Variants in WDR4 observed in about 807,000 individuals in gnomAD.
The protein encoded by WDR4 is WDR4 tRNA N7-guanosine methyltransferase non-catalytic subunit.
In WDR4, 47 loss-of-function variants were observed where a neutral mutation model predicts 48.6. The ratio of observed to expected loss-of-function variants is 0.97; its 90% CI spans 0.77 to 1.23. The LOEUF is 1.23. Among genes scored for constraint, WDR4 ranks in the 50% most tolerant of loss-of-function variants. The probability of loss-of-function intolerance (pLI) is 0.00; values close to 1 mark genes in which losing one functional copy is unlikely to be tolerated. For synonymous variants in WDR4, 268 were observed against 230.0 expected (o/e 1.17, Z -1.49); for missense variants, 606 against 551.6 (o/e 1.10, Z -0.99).
the WDR4 span, among the ~76,000 whole-genome samples, chr21:42,885,845 A>G: frequency 2.6e-5 from 4 of 151,908 alleles, no homozygotes; most frequent in African/African-American, 7.3e-5. Flanking sequence ...ACAGGTGTAC[A>G]TGACCATGAC....
intron 2 of WDR4, among the ~76,000 whole-genome samples, chr21:42,874,263 CCA>C (rs771846361): frequency 6.6e-5 from 10 of 152,192 alleles, no homozygotes; most frequent in Non-Finnish European, 1.5e-4. Context: ...TATCACTTCC[CCA>C]GTCAATACCC....
upstream of WDR4, chr21:42,879,622 G>T (rs2058588339): frequency 8.3e-7 from 1 of 1,205,466 alleles, no homozygotes; most frequent in Non-Finnish European, 1.2e-6. Context: ...CATGCTCAAG[G>T]ACGAGCCTGC....
rs752788808 is a variant in WDR4 at position 42,850,081 on chromosome 21, T to C, written c.1207A>G (p.Met403Val). Residue 403 changes from methionine (M) to valine (V), a missense_variant, in exon 11 of 11, where the codon ATG (methionine) becomes GTG (valine). By Grantham distance (21) the Met-to-Val change is conservative (BLOSUM62 1). Coordinates refer to ENST00000398208, the MANE Select transcript of WDR4 (RefSeq NM_018669.6). ...CTTAGCGTCGCCTCCCCCGGTCTCA[T>C]CTTCTTGGCATGCCCGTCGGGCCCA... ...PPGPDGHAKK[M>V]RPGEATLSC The C allele has an allele frequency of 6.2e-7, 1 of 1,614,108 alleles. No homozygotes were observed. The highest frequency in any genetic ancestry group is 2.2e-5 in the East Asian group (1 of 44,892).
intron 7 of WDR4, among the ~76,000 whole-genome samples, chr21:42,855,067 T>C (rs1569317109): frequency 1.3e-5 from 2 of 151,630 alleles, no homozygotes; most frequent in Non-Finnish European, 2.9e-5. Flanking sequence ...GAGGCGGAGG[T>C]TGCTGTGAGT....
chr21:42,856,480 C>T (rs1237138090), intron 6 of WDR4, among the ~76,000 whole-genome samples: 1 of 152,122 alleles, frequency 6.6e-6, no homozygotes, highest in Non-Finnish European at 1.5e-5. Flanking sequence ...TCCTGGCTCA[C>T]TGCAGCCTCT....
the WDR4 span, among the ~76,000 whole-genome samples, chr21:42,885,574 A>C: frequency 6.6e-6 from 1 of 150,590 alleles, no homozygotes; most frequent in Non-Finnish European, 1.5e-5. Flanking sequence ...GCACCATTGC[A>C]CTCCAGCCTG....
downstream of WDR4, among the ~76,000 whole-genome samples, chr21:42,848,629 C>CGG (rs753575888): frequency 1.1e-3 from 73 of 66,758 alleles, 6 homozygotes; most frequent in East Asian, 1.6e-3. Flanking sequence ...CACGATCACA[C>CGG]CGCGCACCTC....
chr21:42,869,707 A>G (rs2058326315), intron 3 of WDR4, among the ~76,000 whole-genome samples: 1 of 152,186 alleles, frequency 6.6e-6, no homozygotes, highest in South Asian at 2.1e-4. Context: ...ATTCTTAAGT[A>G]TATAAAGAGT....
intron 3 of WDR4, among the ~76,000 whole-genome samples, chr21:42,866,331 A>G (rs1315211312): frequency 1.3e-5 from 2 of 152,114 alleles, no homozygotes; most frequent in Non-Finnish European, 2.9e-5. Context: ...ACCCTTCAAC[A>G]GGAAGCTTCC....
intron 2 of WDR4, among the ~76,000 whole-genome samples, chr21:42,874,817 T>A (rs966858347): frequency 6.6e-6 from 1 of 152,162 alleles, no homozygotes; most frequent in African/African-American, 2.4e-5. Flanking sequence ...TTAGCAATTT[T>A]AATTTTGCCC....
At chr21:42,865,410 G>C (rs1283157523) in intron 3 of WDR4, among the ~76,000 whole-genome samples, 1 of 152,112 alleles carries the variant, frequency 6.6e-6, no homozygotes, top group Non-Finnish European at 1.5e-5. Flanking sequence ...GCCACAGGGA[G>C]GGGGGATGGA....
In WDR4 at chr21:42,873,603, T is replaced by C. The variant is rs2146096425; in HGVS notation, c.244A>G (p.Ser82Gly). The C allele has an allele frequency of 1.2e-6, 2 of 1,614,180 alleles. No individual in the cohort carries two copies. Among genetic ancestry groups the C allele is most frequent in the Non-Finnish European group, 1.7e-6 (2 of 1,180,024 alleles). The change falls in exon 3 of 11, where the codon AGT becomes GGT. Residue 82 changes from serine (S) to glycine (G), a missense_variant. Physicochemically the swap from Ser to Gly is moderately conservative, Grantham distance 56. Coordinates refer to ENST00000398208, the MANE Select transcript of WDR4 (RefSeq NM_018669.6). ...SGSYFALTDD[S>G]KRLILFRTKP... The stretch of plus-strand genomic sequence containing the variant: ...GTACGGAAAAGAATCAGACGCTTAC[T>C]GTCATCGGTTAAAGCAAAATAGCTG...
At chr21:42,879,317 C>G in intron 1 of WDR4, 90 bp downstream of exon 1, 3 of 1,548,290 alleles carry the variant, frequency 1.9e-6, no homozygotes, top group Non-Finnish European at 2.6e-6. Flanking sequence ...AGAGTGGGTG[C>G]GACCAGGCGG....
At chr21:42,876,370 C>T (rs1030998749) in intron 2 of WDR4, among the ~76,000 whole-genome samples, 4 of 151,928 alleles carry the variant, frequency 2.6e-5, no homozygotes, top group Admixed American at 6.6e-5. Flanking sequence ...CCTGCCACCA[C>T]GCCCAGCTAA....
chr21:42,868,634 G>C (rs1430452333), intron 3 of WDR4, among the ~76,000 whole-genome samples: 1 of 152,258 alleles, frequency 6.6e-6, no homozygotes, highest in Admixed American at 6.5e-5. Context: ...TCATCTCCAA[G>C]AGTAGGGGCC....
chr21:42,863,873 G>A (rs13051399), intron 3 of WDR4, among the ~76,000 whole-genome samples: 84,091 of 137,604 alleles, frequency 0.61, 27,285 homozygotes, highest in African/African-American at 0.81. Context: ...TTGGGAGGCC[G>A]AGGTGGGTGG....
intron 5 of WDR4, 88 bp from the exon 6 acceptor site, chr21:42,859,810 G>A: frequency 7.5e-7 from 1 of 1,338,068 alleles, no homozygotes; most frequent in Non-Finnish European, 1.0e-6. Context: ...TTCATCTAAG[G>A]AAGAGAAGCC....
At chr21:42,860,061 C>T (rs1390736731) in intron 5 of WDR4, among the ~76,000 whole-genome samples, 2 of 152,166 alleles carry the variant, frequency 1.3e-5, no homozygotes, top group Non-Finnish European at 2.9e-5. Context: ...CTCTGCTCAG[C>T]GGCACCTCTA....
At chr21:42,874,167 G>C (rs1226851978) in intron 2 of WDR4, among the ~76,000 whole-genome samples, 2 of 152,200 alleles carry the variant, frequency 1.3e-5, no homozygotes, top group Non-Finnish European at 2.9e-5. Flanking sequence ...ACATTTATTA[G>C]TTCCCCAAAT....
Sources: gnomAD v4.1 joint callset for allele counts (sites outside exome capture counted in the v4.1 genomes callset) on GRCh38, gnomAD v4.1.1 for gene constraint, MANE v1.5 for transcripts, NCBI Gene and HGNC (gene_info 2026-07-23, HGNC 2026-07-21) for gene names.